The following RPE variants were observed in gnomAD, a reference collection of about 807,000 sequenced individuals.
RPE encodes the protein ribulose-phosphate 3-epimerase.
Under a neutral mutation model 24.6 loss-of-function variants are expected in RPE, and 16 were observed. The observed-to-expected ratio is 0.65, with a 90% CI of 0.44 to 0.99. The LOEUF (loss-of-function observed/expected upper bound fraction) is 0.99, where lower values mean the gene tolerates loss of function less well. RPE is among the 50% of genes least tolerant of loss of function. The pLI is 0.00. For missense variants in RPE, 240 were observed against 294.5 expected (o/e 0.81, Z 1.35); for synonymous variants, 93 against 98.4 (o/e 0.94, Z 0.33).
intron 1 of RPE, among the ~76,000 whole-genome samples, chr2:210,005,059 G>A (rs953766658): frequency 2.0e-5 from 3 of 152,206 alleles, no homozygotes; most frequent in African/African-American, 7.2e-5. Flanking sequence ...GAGGAAACCA[G>A]TGTAGGGAGA....
At chr2:210,008,338 C>T (rs1321715538) in intron 1 of RPE, among the ~76,000 whole-genome samples, 1 of 149,444 alleles carries the variant, frequency 6.7e-6, no homozygotes, top group African/African-American at 2.5e-5. Flanking sequence ...CTCTGTTGCC[C>T]AGGCTGGAGT....
At chr2:210,017,792 T>A in intron 5 of RPE, 1 of 621,980 alleles carries the variant, frequency 1.6e-6, no homozygotes, top group South Asian at 1.7e-5. Flanking sequence ...TGGCCCAGAT[T>A]GGAGTGCAGT....
intron 1 of RPE, among the ~76,000 whole-genome samples, chr2:210,005,243 C>G (rs899707790): frequency 9.2e-5 from 14 of 152,016 alleles, no homozygotes; most frequent in African/African-American, 3.4e-4. Context: ...GGACTGCCTT[C>G]GTGTTTTTTT....
At position 210,005,025 on chromosome 2, in the gene RPE, T is replaced by C. The variant is rs569537653; in HGVS notation, c.122+2242T>C. On this transcript the variant is annotated intron_variant, in intron 1 of 5. Coordinates refer to ENST00000359429, the MANE Select transcript of RPE (RefSeq NM_199229.3). ...CTTCTCTACTTTCTGAGTTAAGAGC[T>C]GTTTCTATTCCCCTTTTGCAAAGGA... 2.0e-5 allele frequency among the ~76,000 whole-genome samples: 3 copies of C among 152,388 alleles called. No homozygotes were observed. In the South Asian group the frequency reaches 6.2e-4, roughly 32 times the overall value.
intron 5 of RPE, chr2:210,018,321 C>T: frequency 2.1e-6 from 3 of 1,428,208 alleles, no homozygotes; most frequent in South Asian, 3.0e-5. Flanking sequence ...TAAGAACTTG[C>T]TAGAACCATT....
chr2:210,010,079 G>C (rs1361034889), intron 2 of RPE, among the ~76,000 whole-genome samples: 1 of 152,124 alleles, frequency 6.6e-6, no homozygotes, highest in East Asian at 1.9e-4. Flanking sequence ...TTTGATCTGC[G>C]ATTACTTTTA....
At chr2:210,004,966 G>A (rs747620067) in intron 1 of RPE, among the ~76,000 whole-genome samples, 160 of 152,186 alleles carry the variant, frequency 1.1e-3, no homozygotes, top group Non-Finnish European at 8.1e-4. Context: ...ACTGAATTCT[G>A]CATACACAAT....
chr2:210,003,381 T>C (rs979398755), intron 1 of RPE: 1 of 1,062,200 alleles, frequency 9.4e-7, no homozygotes. Context: ...AAGTTCTCTA[T>C]AATTGTTAAT....
At chr2:210,010,503 A>G (rs754072360) in intron 2 of RPE, among the ~76,000 whole-genome samples, 3 of 152,094 alleles carry the variant, frequency 2.0e-5, no homozygotes, top group Admixed American at 6.5e-5. Context: ...GGCTCAAGCA[A>G]TCCACCTGCC....
At chr2:210,011,612 C>G (rs1039747346) in intron 2 of RPE, among the ~76,000 whole-genome samples, 1 of 152,058 alleles carries the variant, frequency 6.6e-6, no homozygotes, top group Non-Finnish European at 1.5e-5. Flanking sequence ...AAATGAACTC[C>G]ATTCACTTTA....
At chr2:210,011,444 A>G (rs1483038169) in intron 2 of RPE, among the ~76,000 whole-genome samples, 5 of 151,792 alleles carry the variant, frequency 3.3e-5, no homozygotes, top group African/African-American at 1.2e-4. Flanking sequence ...TTGGGCTCCC[A>G]TTGTCACACC....
At chr2:210,017,644 C>T (rs566587944) in intron 5 of RPE, 85 bp downstream of exon 5, 2 of 1,253,818 alleles carry the variant, frequency 1.6e-6, no homozygotes, top group African/African-American at 1.5e-5. Context: ...GCGATTCCCT[C>T]TGTGGTTCCT....
intron 5 of RPE, 190 bp downstream of exon 5, chr2:210,017,749 T>TC: frequency 1.6e-6 from 1 of 618,722 alleles, no homozygotes; most frequent in Non-Finnish European, 2.8e-6. Context: ...TTTTTTTTTT[T>TC]TTTTTTTCTT....
Position 210,020,057 on chromosome 2 carries a change from G to A in RPE, c.*266G>A. 3.7e-6 allele frequency: 1 copy of A among 267,660 alleles called. No individual in the cohort carries two copies. The highest frequency in any genetic ancestry group is 7.4e-6 in the Non-Finnish European group (1 of 135,694). 16.6% of individuals were successfully genotyped at this position (267,660 alleles called of 1,614,324 possible). On this transcript the variant is annotated 3_prime_UTR_variant, in exon 6 of 6. Coordinates refer to ENST00000359429, the MANE Select transcript of RPE (RefSeq NM_199229.3). ...TTGATTTTTATAAAGTAAAAATACG[G>A]CTGCATTAGGGTTACAAACAGAAAA... is the stretch of plus-strand genomic sequence containing the variant.
chr2:210,005,706 CAG>C (rs2093622096), intron 1 of RPE, among the ~76,000 whole-genome samples: 1 of 151,958 alleles, frequency 6.6e-6, no homozygotes, highest in Admixed American at 6.6e-5. Flanking sequence ...CTGGAGCTGA[CAG>C]GGGCAGCCTC....
At chr2:210,015,846 T>C in intron 2 of RPE, 127 bp from the exon 3 acceptor site, 2 of 878,302 alleles carry the variant, frequency 2.3e-6, no homozygotes, top group East Asian at 5.3e-5. Context: ...TAGAACTATT[T>C]AAATAATGAT....
intron 5 of RPE, 70 bp from the exon 6 acceptor site, chr2:210,019,599 T>C: frequency 6.4e-7 from 1 of 1,565,782 alleles, no homozygotes; most frequent in East Asian, 2.3e-5. Context: ...GACACTCTAG[T>C]CCAGGAATTC....
chr2:210,018,565 A>G (rs2093811521), intron 5 of RPE: 1 of 985,102 alleles, frequency 1.0e-6, no homozygotes, highest in Admixed American at 6.2e-5. Flanking sequence ...TGCTTGATAT[A>G]TACCTATCAA....
At chr2:210,005,995 G>T (rs1006639726) in intron 1 of RPE, among the ~76,000 whole-genome samples, 4 of 152,198 alleles carry the variant, frequency 2.6e-5, no homozygotes, top group South Asian at 2.1e-4. Flanking sequence ...TGGAACATGA[G>T]AGAGAAAATT....
Sources: gnomAD v4.1 joint callset for allele counts (sites outside exome capture counted in the v4.1 genomes callset) on GRCh38, gnomAD v4.1.1 for gene constraint, MANE v1.5 for transcripts, NCBI Gene and HGNC (gene_info 2026-07-23, HGNC 2026-07-21) for gene names.